ALMS1: variants seen among roughly 807,000 people sequenced by gnomAD.
The protein encoded by ALMS1 is ALMS1 centrosome and basal body associated protein, also known as centrosome-associated protein ALMS1.
A neutral mutation model predicts 352.2 loss-of-function variants in ALMS1; 271 were observed. That is an observed-to-expected ratio of 0.77 (90% CI 0.70 to 0.85). The LOEUF (loss-of-function observed/expected upper bound fraction) is 0.85, where lower values mean the gene tolerates loss of function less well. Ranked by LOEUF, ALMS1 falls within the 40% of genes least tolerant of loss-of-function variation. The pLI is 0.00. For missense variants in ALMS1, 5,445 were observed against 4,870.7 expected (o/e 1.12, Z -3.51); for synonymous variants, 1,865 against 1,761.2 (o/e 1.06, Z -1.48).
intron 11 of ALMS1, among the ~76,000 whole-genome samples, chr2:73,528,763 T>G (rs1325387373): frequency 6.6e-6 from 1 of 152,118 alleles, no homozygotes; most frequent in Non-Finnish European, 1.5e-5. Context: ...GAGGCTATTT[T>G]CTAGATCCTG....
chr2:73,493,984 A>AC (rs752090450), intron 10 of ALMS1, among the ~76,000 whole-genome samples: 1 of 152,198 alleles, frequency 6.6e-6, no homozygotes, highest in Non-Finnish European at 1.5e-5. Flanking sequence ...AACGTTGCAA[A>AC]CAAGGTATTG....
Position 73,449,397 on chromosome 2 carries a change from A to C in ALMS1, c.2870A>C (p.His957Pro). 6.2e-7 allele frequency: 1 copy of C among 1,614,070 alleles called. No individual in the cohort carries two copies. The highest frequency in any genetic ancestry group is 1.3e-5 in the African/African-American group (1 of 75,042). Residue 957 changes from histidine (H) to proline (P), a missense_variant, in exon 8 of 23, where the codon CAT (histidine) becomes CCT (proline). Coordinates refer to ENST00000613296, the MANE Select transcript of ALMS1 (RefSeq NM_001378454.1). ...TPTVSSNSHSHSEKSSVFYQQ... is the reference protein window; with the variant it reads ...TPTVSSNSHSPSEKSSVFYQQ... ...ACAGTGTCCTCTAATTCTCACTCACATAGCGAGAAATCTAGTGTTTTCTAC... is the reference window on the plus strand; with the variant it reads ...ACAGTGTCCTCTAATTCTCACTCACCTAGCGAGAAATCTAGTGTTTTCTAC...
chr2:73,394,050 G>T (rs1165473001), intron 1 of ALMS1, among the ~76,000 whole-genome samples: 1 of 151,492 alleles, frequency 6.6e-6, no homozygotes, highest in Non-Finnish European at 1.5e-5. Flanking sequence ...CAAACTCTTG[G>T]GCTAAAGCCA....
At chr2:73,456,501 G>C (rs1672069768) in intron 9 of ALMS1, among the ~76,000 whole-genome samples, 1 of 152,142 alleles carries the variant, frequency 6.6e-6, no homozygotes, top group Admixed American at 6.5e-5. Flanking sequence ...ATGCTTAGTA[G>C]AACGTGTGAT....
chr2:73,576,422 T>C (rs1675054958), intron 16 of ALMS1, among the ~76,000 whole-genome samples: 1 of 152,150 alleles, frequency 6.6e-6, no homozygotes, highest in African/African-American at 2.4e-5. Flanking sequence ...AAATAATTTT[T>C]ACATACTGAT....
intron 9 of ALMS1, among the ~76,000 whole-genome samples, chr2:73,482,426 G>T (rs1424105869): frequency 1.4e-5 from 2 of 148,122 alleles, no homozygotes; most frequent in Admixed American, 1.4e-4. Context: ...CAGGGATGAA[G>T]CCCACTTGAT....
intron 15 of ALMS1, among the ~76,000 whole-genome samples, chr2:73,560,881 T>G (rs1021930885): frequency 2.0e-5 from 3 of 152,170 alleles, no homozygotes; most frequent in Non-Finnish European, 4.4e-5. Context: ...GAGAGAGACC[T>G]TGGGTTTAAA....
chr2:73,536,666 A>G (rs897829214), intron 12 of ALMS1, among the ~76,000 whole-genome samples: 2 of 152,314 alleles, frequency 1.3e-5, no homozygotes, highest in East Asian at 3.9e-4. Context: ...TGGGGCCAAG[A>G]GCAAGACATA....
At position 73,432,047 on chromosome 2, in the gene ALMS1, T is replaced by C. The variant is rs1341228000; in HGVS notation, c.1339-151T>C. The stretch of plus-strand genomic sequence containing the variant: ...TTAAGTAACTAGTATAACTTCTTAG[T>C]GTTCCTCTTTGTAAAAATGAAGGAT... On this transcript the variant is annotated intron_variant, in intron 6 of 22. Coordinates refer to ENST00000613296, the MANE Select transcript of ALMS1 (RefSeq NM_001378454.1). 5 of 625,550 alleles carry C rather than the reference T, an allele frequency of 8.0e-6. No homozygotes were observed. In the East Asian group the frequency reaches 1.2e-4, roughly 16 times the overall value. 38.7% of individuals were successfully genotyped at this position (625,550 alleles called of 1,614,324 possible).
At chr2:73,478,420 G>A (rs559593286) in intron 9 of ALMS1, among the ~76,000 whole-genome samples, 1 of 152,124 alleles carries the variant, frequency 6.6e-6, no homozygotes, top group South Asian at 2.1e-4. Context: ...TGTTGGAAAG[G>A]AAGAAGAGAA....
intron 1 of ALMS1, among the ~76,000 whole-genome samples, chr2:73,388,909 G>A (rs1670590055): frequency 6.6e-6 from 1 of 152,060 alleles, no homozygotes; most frequent in African/African-American, 2.4e-5. Context: ...AGTGTGCCTG[G>A]CTCAGATGTC....
At chr2:73,503,699 G>T (rs1025868113) in intron 10 of ALMS1, among the ~76,000 whole-genome samples, 7 of 152,118 alleles carry the variant, frequency 4.6e-5, no homozygotes, top group African/African-American at 1.7e-4. Context: ...GGTTGAACTA[G>T]TTTACAGTCC....
At chr2:73,400,279 G>C (rs190590651) in intron 1 of ALMS1, among the ~76,000 whole-genome samples, 1 of 152,106 alleles carries the variant, frequency 6.6e-6, no homozygotes, top group South Asian at 2.1e-4. Context: ...TCAAGTTTGC[G>C]TACGTGGGAT....
intron 16 of ALMS1, among the ~76,000 whole-genome samples, chr2:73,581,230 C>A (rs377009211): frequency 6.6e-6 from 1 of 152,172 alleles, no homozygotes; most frequent in East Asian, 1.9e-4. Context: ...GTGCCTTGTT[C>A]ATTTGGTTTT....
chr2:73,608,302 C>T (rs974579019), intron 21 of ALMS1, among the ~76,000 whole-genome samples, 173 bp from the exon 22 acceptor site: 1 of 152,156 alleles, frequency 6.6e-6, no homozygotes, highest in Non-Finnish European at 1.5e-5. Context: ...AGATTGTGAG[C>T]CCCGGGCTAG....
chr2:73,508,272 G>A (rs1358981221), intron 10 of ALMS1, among the ~76,000 whole-genome samples: 3 of 143,276 alleles, frequency 2.1e-5, no homozygotes, highest in African/African-American at 8.0e-5. Flanking sequence ...GCGCGATCTC[G>A]GCTTACTGCA....
chr2:73,600,964 G>A (rs1675671003), intron 18 of ALMS1, 83 bp downstream of exon 18: 2 of 1,491,618 alleles, frequency 1.3e-6, no homozygotes, highest in Admixed American at 1.9e-5. Context: ...GTTTCCAAGT[G>A]ACTCTATGTG....
intron 2 of ALMS1, among the ~76,000 whole-genome samples, chr2:73,413,273 A>G (rs1350479625): frequency 6.6e-6 from 1 of 151,996 alleles, no homozygotes; most frequent in African/African-American, 2.4e-5. Flanking sequence ...ATGTTTTTGT[A>G]TTCTCCTGTC....
intron 10 of ALMS1, among the ~76,000 whole-genome samples, chr2:73,512,362 C>T (rs187582389): frequency 3.1e-4 from 46 of 150,552 alleles, no homozygotes; most frequent in African/African-American, 9.7e-4. Flanking sequence ...GGATTACAGG[C>T]GTAAGCTACC....
Sources: allele counts gnomAD v4.1 joint callset (sites outside exome capture counted in the v4.1 genomes callset), GRCh38; gene constraint gnomAD v4.1.1; transcripts MANE v1.5; gene names NCBI Gene and HGNC (gene_info 2026-07-23, HGNC 2026-07-21).